Variants in RALGAPA1 observed in about 807,000 individuals in gnomAD.
RALGAPA1 encodes the protein Ral GTPase activating protein catalytic subunit alpha 1, also known as ral GTPase-activating protein subunit alpha-1.
In RALGAPA1, 52 loss-of-function variants were observed where a neutral mutation model predicts 269.6. That is an observed-to-expected ratio of 0.19 (90% CI 0.15 to 0.24). The LOEUF (loss-of-function observed/expected upper bound fraction) is 0.24, where lower values mean the gene tolerates loss of function less well. Ranked by LOEUF, RALGAPA1 falls within the 10% of genes least tolerant of loss-of-function variation. The pLI is 1.00. For synonymous variants in RALGAPA1, 817 were observed against 1,008.3 expected (o/e 0.81, Z 3.60); for missense variants, 1,917 against 3,013.9 (o/e 0.64, Z 8.52).
At chr14:35,635,697 G>A in intron 31 of RALGAPA1, 99 bp from the exon 32 acceptor site, 1 of 1,094,754 alleles carries the variant, frequency 9.1e-7, no homozygotes. Context: ...TTTGTTTCTG[G>A]AATCATCAAC....
At chr14:35,799,297 C>T (rs543423980) in intron 1 of RALGAPA1, among the ~76,000 whole-genome samples, 1 of 152,176 alleles carries the variant, frequency 6.6e-6, no homozygotes, top group Admixed American at 6.6e-5. Flanking sequence ...CACAGTGGCT[C>T]ACCCATGTAA....
chr14:35,802,114 C>A (rs1256772782), intron 1 of RALGAPA1, among the ~76,000 whole-genome samples: 3 of 152,156 alleles, frequency 2.0e-5, no homozygotes, highest in Non-Finnish European at 2.9e-5. Context: ...TCGAGACCAG[C>A]CTTATCAACA....
At chr14:35,597,466 C>T (rs1323090680) in intron 36 of RALGAPA1, among the ~76,000 whole-genome samples, 2 of 152,090 alleles carry the variant, frequency 1.3e-5, no homozygotes, top group African/African-American at 2.4e-5. Context: ...TGTTCCTTTG[C>T]TGTAAACACT....
intron 1 of RALGAPA1, among the ~76,000 whole-genome samples, chr14:35,807,285 G>T (rs2077444818): frequency 6.6e-6 from 1 of 152,046 alleles, no homozygotes; most frequent in African/African-American, 2.4e-5. Flanking sequence ...CCTATTCTCG[G>T]CTAAATCTTT....
At chr14:35,597,783 C>T (rs10138222) in intron 36 of RALGAPA1, among the ~76,000 whole-genome samples, 52,577 of 152,052 alleles carry the variant, frequency 0.35, 12,552 homozygotes, top group African/African-American at 0.67. Context: ...GAATGTTGTA[C>T]GAATTAAAGG....
At chr14:35,643,983 G>C (rs1258322393) in intron 31 of RALGAPA1, among the ~76,000 whole-genome samples, 1 of 152,090 alleles carries the variant, frequency 6.6e-6, no homozygotes, top group Non-Finnish European at 1.5e-5. Context: ...GCAAAACAGA[G>C]TGACTATAGT....
At chr14:35,674,732 T>C in intron 22 of RALGAPA1, 23 bp from the exon 23 acceptor site, 1 of 1,326,588 alleles carries the variant, frequency 7.5e-7, no homozygotes, top group Non-Finnish European at 1.1e-6. Context: ...ATATATAGTG[T>C]CAGCCATTTT....
rs2064769823 is a variant in RALGAPA1, at chr14:35,674,442, T to C, written c.4818+74A>G. ...TTATAGTCAAAAAGGGTGTCACAAA[T>C]GTTTTCTAAGGCTTCTTCTATTTTT... On this transcript the variant is annotated intron_variant, in intron 23 of 41. Coordinates refer to ENST00000680220, the MANE Select transcript of RALGAPA1 (RefSeq NM_001346249.2). The C allele has an allele frequency of 2.2e-6, 3 of 1,394,816 alleles. No homozygotes were observed. In the South Asian group the frequency reaches 4.4e-5, roughly 20 times the overall value. The allele number at this position is 1,394,816 out of a possible 1,614,324, so 86.4% of individuals were successfully genotyped here.
At chr14:35,611,233 T>C (rs2059911613) in intron 35 of RALGAPA1, among the ~76,000 whole-genome samples, 2 of 151,990 alleles carry the variant, frequency 1.3e-5, no homozygotes, top group African/African-American at 2.4e-5. Context: ...TGGTGGTTCA[T>C]GCCTATAATC....
chr14:35,628,240 A>G (rs1310798780), intron 33 of RALGAPA1, among the ~76,000 whole-genome samples: 1 of 152,178 alleles, frequency 6.6e-6, no homozygotes, highest in South Asian at 2.1e-4. Flanking sequence ...CAATCATGAA[A>G]TCACTAATGC....
chr14:35,776,012 G>C (rs2074997184), intron 1 of RALGAPA1, among the ~76,000 whole-genome samples: 1 of 152,138 alleles, frequency 6.6e-6, no homozygotes, highest in Non-Finnish European at 1.5e-5. Context: ...AAAAAAAGAA[G>C]TTAAGTTCTA....
chr14:35,664,597 T>C (rs746859701), intron 27 of RALGAPA1, 45 bp downstream of exon 27: 3 of 1,473,326 alleles, frequency 2.0e-6, no homozygotes, highest in South Asian at 2.5e-5. Context: ...TACTTTATGA[T>C]TATAAAATCA....
At chr14:35,758,131 A>T (rs1035962976) in intron 6 of RALGAPA1, among the ~76,000 whole-genome samples, 1 of 151,490 alleles carries the variant, frequency 6.6e-6, no homozygotes, top group Non-Finnish European at 1.5e-5. Context: ...ACACGCCTGT[A>T]ATCTCAGCTA....
intron 1 of RALGAPA1, among the ~76,000 whole-genome samples, chr14:35,786,762 A>G (rs1444040410): frequency 1.3e-5 from 2 of 152,222 alleles, no homozygotes; most frequent in African/African-American, 2.4e-5. Context: ...CTTTATTTTT[A>G]AAAGCTAGAA....
chr14:35,711,771 C>T (rs1029950888), intron 16 of RALGAPA1, among the ~76,000 whole-genome samples: 48 of 152,224 alleles, frequency 3.2e-4, no homozygotes, highest in Non-Finnish European at 2.9e-5. Context: ...CACTGTACCC[C>T]ACCCAAGTCC....
chr14:35,648,797 CA>C (rs542583122), intron 31 of RALGAPA1, among the ~76,000 whole-genome samples: 11 of 151,356 alleles, frequency 7.3e-5, no homozygotes, highest in Admixed American at 5.9e-4. Context: ...GACCCTGTCT[CA>C]AAAAAAACAG....
At chr14:35,732,144 T>C (rs902577983) in intron 12 of RALGAPA1, among the ~76,000 whole-genome samples, 3 of 152,092 alleles carry the variant, frequency 2.0e-5, no homozygotes, top group Non-Finnish European at 4.4e-5. Flanking sequence ...CTAAGCATCA[T>C]ATATGAAGGA....
chr14:35,697,350 GTTTTGTTTTT>G (rs1449507296), intron 17 of RALGAPA1, among the ~76,000 whole-genome samples: 8 of 151,244 alleles, frequency 5.3e-5, no homozygotes, highest in Admixed American at 4.0e-4. Context: ...GTTTTGTTTT[GTTTTGTTTTT>G]TTTTGAGACG....
At chr14:35,738,191 T>C (rs1326444290) in intron 12 of RALGAPA1, among the ~76,000 whole-genome samples, 3 of 151,876 alleles carry the variant, frequency 2.0e-5, no homozygotes, top group Non-Finnish European at 2.9e-5. Flanking sequence ...TGAAATAAAG[T>C]ACAATACCAC....
Sources: allele counts gnomAD v4.1 joint callset (sites outside exome capture counted in the v4.1 genomes callset), GRCh38; gene constraint gnomAD v4.1.1; transcripts MANE v1.5; gene names NCBI Gene and HGNC (gene_info 2026-07-23, HGNC 2026-07-21).